KALRN: variants seen among roughly 807,000 people sequenced by gnomAD.
KALRN encodes kalirin RhoGEF kinase.
A neutral mutation model predicts 353.7 loss-of-function variants in KALRN; 70 were observed. The observed-to-expected ratio is 0.20, with a 90% CI of 0.16 to 0.24. The LOEUF (loss-of-function observed/expected upper bound fraction) is 0.24. KALRN is among the 10% of genes least tolerant of loss of function. The pLI is 1.00. For missense variants in KALRN, 2,791 were observed against 3,756.7 expected (o/e 0.74, Z 6.72); for synonymous variants, 1,391 against 1,434.8 (o/e 0.97, Z 0.69).
At chr3:124,418,854 G>T (rs1467342252) in intron 14 of KALRN, among the ~76,000 whole-genome samples, 1 of 152,142 alleles carries the variant, frequency 6.6e-6, no homozygotes, top group Non-Finnish European at 1.5e-5. Flanking sequence ...CACACCTGGA[G>T]CTTTAAGACT....
intron 18 of KALRN, among the ~76,000 whole-genome samples, chr3:124,439,418 C>T (rs972866612): frequency 8.5e-5 from 13 of 152,164 alleles, no homozygotes; most frequent in African/African-American, 1.4e-4. Context: ...GTTACTACTA[C>T]TGCAATCTTC....
intron 47 of KALRN, among the ~76,000 whole-genome samples, chr3:124,670,130 C>T (rs1397059176): frequency 2.0e-5 from 3 of 152,104 alleles, no homozygotes; most frequent in Non-Finnish European, 4.4e-5. Flanking sequence ...GCCACCAATA[C>T]AAAAATACAG....
chr3:124,395,532 G>A, intron 12 of KALRN, 189 bp downstream of exon 12: 1 of 542,866 alleles, frequency 1.8e-6, no homozygotes. Context: ...AAATGGAAAA[G>A]CTTTAATGTT....
At chr3:124,289,914 C>T (rs533945319) in intron 5 of KALRN, among the ~76,000 whole-genome samples, 1 of 152,188 alleles carries the variant, frequency 6.6e-6, no homozygotes, top group East Asian at 1.9e-4. Context: ...TGGATATTCA[C>T]ATGGAGAGGG....
intron 34 of KALRN, among the ~76,000 whole-genome samples, chr3:124,613,079 G>A (rs1578345873): frequency 6.6e-6 from 1 of 152,260 alleles, no homozygotes; most frequent in Middle Eastern, 3.4e-3. Context: ...TGGAGCCAGG[G>A]GTTTTAGCTA....
intron 15 of KALRN, among the ~76,000 whole-genome samples, chr3:124,427,980 CA>C (rs1174404103): frequency 3.3e-5 from 5 of 152,174 alleles, no homozygotes; most frequent in African/African-American, 1.2e-4. Flanking sequence ...TCACATTTTA[CA>C]GATGAGAAAA....
At chr3:124,354,167 T>A (rs571605356) in intron 10 of KALRN, among the ~76,000 whole-genome samples, 1 of 152,310 alleles carries the variant, frequency 6.6e-6, no homozygotes, top group East Asian at 1.9e-4. Flanking sequence ...GCTGCTTCCT[T>A]TGGGGAACAA....
chr3:124,383,268 A>T (rs2087689056), intron 10 of KALRN, among the ~76,000 whole-genome samples: 2 of 152,220 alleles, frequency 1.3e-5, no homozygotes, highest in South Asian at 4.1e-4. Context: ...CTGGCTCCAC[A>T]GCCTCTGAAA....
chr3:124,111,997 G>GAAAAT (rs1309677421), intron 1 of KALRN, among the ~76,000 whole-genome samples: 5 of 150,388 alleles, frequency 3.3e-5, no homozygotes, highest in Non-Finnish European at 5.9e-5. Context: ...GCAGAAGAAA[G>GAAAAT]AAAATATTAA....
intron 3 of KALRN, among the ~76,000 whole-genome samples, chr3:124,243,921 C>T (rs969281759): frequency 6.6e-6 from 1 of 152,106 alleles, no homozygotes. Context: ...CTTCTTTTGT[C>T]ACTTGTCCTT....
intron 33 of KALRN, among the ~76,000 whole-genome samples, chr3:124,545,150 T>C (rs990564082): frequency 6.6e-6 from 1 of 152,256 alleles, no homozygotes; most frequent in Non-Finnish European, 1.5e-5. Flanking sequence ...CCACAATTCC[T>C]ATATTACCTA....
intron 1 of KALRN, among the ~76,000 whole-genome samples, chr3:124,226,620 C>T (rs2078539673): frequency 1.3e-5 from 2 of 152,176 alleles, no homozygotes; most frequent in Non-Finnish European, 2.9e-5. Flanking sequence ...GCATTGTGAG[C>T]ACACATCTCT....
chr3:124,532,310 C>T (rs950932487), intron 33 of KALRN, among the ~76,000 whole-genome samples: 1 of 152,218 alleles, frequency 6.6e-6, no homozygotes, highest in Non-Finnish European at 1.5e-5. Context: ...TCCATTATTA[C>T]GTAGCTTGTG....
chr3:124,042,637 G>C (rs1469177832), intron 1 of KALRN, among the ~76,000 whole-genome samples: 1 of 152,112 alleles, frequency 6.6e-6, no homozygotes, highest in Admixed American at 6.5e-5. Context: ...TTTAGAGTTT[G>C]AGTGACTGAG....
intron 1 of KALRN, among the ~76,000 whole-genome samples, chr3:124,056,947 T>C (rs747607778): frequency 6.6e-6 from 1 of 152,254 alleles, no homozygotes; most frequent in Non-Finnish European, 1.5e-5. Context: ...AGAGGATTTT[T>C]TGAAAGGAGA....
chr3:124,339,197 G>C (rs1322543570), intron 9 of KALRN, among the ~76,000 whole-genome samples: 1 of 152,168 alleles, frequency 6.6e-6, no homozygotes, highest in Non-Finnish European at 1.5e-5. Context: ...TCAGAGAGGT[G>C]GGAGGACCCA....
intron 20 of KALRN, 151 bp from the exon 21 acceptor site, chr3:124,446,611 TA>T (rs201103539): frequency 1.1e-4 from 102 of 921,078 alleles, no homozygotes; most frequent in Non-Finnish European, 1.4e-4. Context: ...GGCTCATTCA[TA>T]AAAAAAAACT....
At chr3:124,446,085 G>C in intron 19 of KALRN, 76 bp from the exon 20 acceptor site, 1 of 863,740 alleles carries the variant, frequency 1.2e-6, no homozygotes, top group East Asian at 2.5e-5. Context: ...CCTGGCACCT[G>C]GGCCGTGGGG....
intron 25 of KALRN, among the ~76,000 whole-genome samples, chr3:124,463,180 C>T (rs751532820): frequency 6.6e-6 from 1 of 152,192 alleles, no homozygotes; most frequent in Non-Finnish European, 1.5e-5. Flanking sequence ...AGAATTTTTC[C>T]CACACCATAC....
Sources: gnomAD v4.1 joint callset for allele counts (sites outside exome capture counted in the v4.1 genomes callset) on GRCh38, gnomAD v4.1.1 for gene constraint, MANE v1.5 for transcripts, NCBI Gene and HGNC (gene_info 2026-07-23, HGNC 2026-07-21) for gene names.